FANCB: variants seen among roughly 807,000 people sequenced by gnomAD.
FANCB encodes the protein Fanconi anemia group B protein.
A neutral mutation model predicts 38.9 loss-of-function variants in FANCB; 5 were observed. The observed-to-expected ratio is 0.13, with a 90% confidence interval of 0.07 to 0.27. FANCB has a LOEUF of 0.27. Among genes scored for constraint, FANCB ranks in the 10% least tolerant of loss-of-function variants. The probability of loss-of-function intolerance (pLI) is 1.00; values close to 1 mark genes in which losing one functional copy is unlikely to be tolerated. For missense variants in FANCB, 573 were observed against 602.7 expected (o/e 0.95, Z 0.52); for synonymous variants, 236 against 215.4 (o/e 1.10, Z -0.84).
At chrX:14,830,121 G>A in the FANCB span, among the ~76,000 whole-genome samples, 5 of 111,692 alleles carry the variant, frequency 4.5e-5, no homozygotes, top group African/African-American at 1.3e-4. Context: ...ACAGGGTAAC[G>A]GCCGGTAGGT....
At chrX:14,807,475 T>C in the FANCB span, among the ~76,000 whole-genome samples, 71 of 112,536 alleles carry the variant, frequency 6.3e-4, 1 homozygote, top group South Asian at 0.026. Context: ...CTAATTAATT[T>C]TGATGTATTA....
the FANCB span, among the ~76,000 whole-genome samples, chrX:14,713,849 T>C: frequency 9.2e-6 from 1 of 109,158 alleles, no homozygotes; most frequent in South Asian, 3.9e-4. Context: ...CACTGGAGAG[T>C]TTTGAGCTGA....
chrX:14,788,754 G>A, the FANCB span, among the ~76,000 whole-genome samples: 1 of 111,958 alleles, frequency 8.9e-6, no homozygotes, highest in Non-Finnish European at 1.9e-5. Context: ...ACATTTGAAG[G>A]GCTCAAGAGC....
the FANCB span, among the ~76,000 whole-genome samples, chrX:14,707,619 T>C: frequency 1.0e-5 from 1 of 95,287 alleles, no homozygotes; most frequent in African/African-American, 4.0e-5. Flanking sequence ...AATATCATGG[T>C]ATATCCTGCT....
At chrX:14,698,590 A>C in the FANCB span, among the ~76,000 whole-genome samples, 1 of 104,198 alleles carries the variant, frequency 9.6e-6, no homozygotes, top group Non-Finnish European at 2.0e-5. Context: ...AGGCAGGAGA[A>C]TCACTTGAAC....
the FANCB span, among the ~76,000 whole-genome samples, chrX:14,748,586 A>C: frequency 8.9e-6 from 1 of 112,902 alleles, no homozygotes; most frequent in East Asian, 2.8e-4. Flanking sequence ...CTCCCTGAAG[A>C]GTTCACACGA....
intron 3 of FANCB, among the ~76,000 whole-genome samples, chrX:14,859,929 T>C (rs1341343817): frequency 1.8e-5 from 2 of 111,290 alleles, no homozygotes; most frequent in Non-Finnish European, 3.8e-5. Context: ...TAAACCCTGA[T>C]GTGGGTGTGG....
intron 10 of FANCB, among the ~76,000 whole-genome samples, chrX:14,837,060 T>C (rs1329178532): frequency 2.7e-5 from 3 of 112,627 alleles, no homozygotes; most frequent in East Asian, 2.8e-4. Context: ...AAAAGATCTC[T>C]ATATTCCCTT....
chrX:14,834,174 G>C (rs966129037), downstream of FANCB, among the ~76,000 whole-genome samples: 12 of 111,220 alleles, frequency 1.1e-4, no homozygotes, highest in Non-Finnish European at 1.9e-4. Context: ...AAAATACTGA[G>C]TTTTATTTCA....
Position 14,844,654 on chromosome X carries a change from T to C in FANCB, c.2014A>G (p.Met672Val), listed in dbSNP as rs2092368305. 7.4e-6 allele frequency: 9 copies of C among 1,208,876 alleles called. No homozygotes were observed. Among genetic ancestry groups the C allele is most frequent in the South Asian group, 1.8e-5 (1 of 56,848 alleles). The change falls in exon 9 of 10, where the codon ATG (methionine) becomes GTG (valine). Residue 672 changes from methionine to valine, a missense_variant. Met to Val is a conservative substitution (Grantham distance 21). Transcript: ENST00000650831. Reference sequence around the variant, plus strand: ...ATATGTTCTAAGAGCCACACCTTCATTGAATTCAGGGCATAGCCGGGTGAT... The same window carrying C: ...ATATGTTCTAAGAGCCACACCTTCACTGAATTCAGGGCATAGCCGGGTGAT... ...ITSPGYALNS[M>V]KVWLLEHMKC...
chrX:14,850,580 A>G lies in FANCB; in HGVS notation c.1421T>C (p.Leu474Pro). The G allele has an allele frequency of 8.4e-7, 1 of 1,190,721 alleles. No homozygotes were observed. Among genetic ancestry groups the G allele is most frequent in the Non-Finnish European group, 1.1e-6 (1 of 876,548 alleles). The change falls in exon 7 of 10, where the codon CTA (leucine) becomes CCA (proline). Residue 474 changes from leucine to proline, a missense_variant. By Grantham distance (98) the Leu-to-Pro change is moderately conservative. Coordinates refer to ENST00000650831, the MANE Select transcript of FANCB (RefSeq NM_001018113.3). ...TACACGATACCATATCTTCTCTACT[A>G]GCTGTTCTGAATCTTGAAAATTGTC... is the stretch of plus-strand genomic sequence containing the variant. ...LSDNFQDSEQ[L>P]VEKIWYRVID...
At chrX:14,795,925 C>T in the FANCB span, among the ~76,000 whole-genome samples, 13 of 111,712 alleles carry the variant, frequency 1.2e-4, no homozygotes, top group Admixed American at 1.0e-3. Flanking sequence ...AAAGAGGTAG[C>T]ACTACAGATC....
chrX:14,777,146 C>T, the FANCB span, among the ~76,000 whole-genome samples: 1 of 111,928 alleles, frequency 8.9e-6, no homozygotes, highest in African/African-American at 3.3e-5. Flanking sequence ...GGTCTAAAAG[C>T]AGGTTAACAA....
chrX:14,797,005 G>C, the FANCB span, among the ~76,000 whole-genome samples: 1 of 111,425 alleles, frequency 9.0e-6, no homozygotes. Context: ...GTTCTGTTTA[G>C]GTCTTCAATC....
chrX:14,781,634 TAA>T, the FANCB span, among the ~76,000 whole-genome samples: 1 of 110,447 alleles, frequency 9.1e-6, no homozygotes, highest in African/African-American at 3.3e-5. Context: ...GGCAAAAAAG[TAA>T]AGAGGTGGTT....
chrX:14,801,984 G>C, the FANCB span, among the ~76,000 whole-genome samples: 1 of 111,539 alleles, frequency 9.0e-6, no homozygotes, highest in Admixed American at 9.5e-5. Flanking sequence ...TTGGGACTGT[G>C]GTCACATGAT....
chrX:14,801,650 G>C, the FANCB span, among the ~76,000 whole-genome samples: 1 of 111,450 alleles, frequency 9.0e-6, no homozygotes, highest in Non-Finnish European at 1.9e-5. Context: ...GTGTGTGTGT[G>C]TACTGGGTCA....
chrX:14,714,912 T>C, the FANCB span, among the ~76,000 whole-genome samples: 1 of 112,269 alleles, frequency 8.9e-6, no homozygotes, highest in Non-Finnish European at 1.9e-5. Context: ...GAATAGAATA[T>C]GAGTTCAAAT....
At chrX:14,771,945 C>T in the FANCB span, among the ~76,000 whole-genome samples, 61 of 111,616 alleles carry the variant, frequency 5.5e-4, no homozygotes, top group Non-Finnish European at 1.0e-3. Context: ...GTGAAGGCTT[C>T]AAAACAGCAA....
Sources: allele counts gnomAD v4.1 joint callset (sites outside exome capture counted in the v4.1 genomes callset), GRCh38; gene constraint gnomAD v4.1.1; transcripts MANE v1.5; gene names NCBI Gene and HGNC (gene_info 2026-07-23, HGNC 2026-07-21).